The following SUPT3H variants were observed in gnomAD, a reference collection of about 807,000 sequenced individuals.
SUPT3H encodes transcription initiation protein SPT3 homolog.
A neutral mutation model predicts 44.3 loss-of-function variants in SUPT3H; 44 were observed. That is an observed-to-expected ratio of 0.99 (90% CI 0.78 to 1.28). The LOEUF is 1.28. SUPT3H is among the 50% of genes most tolerant of loss of function. The probability of loss-of-function intolerance (pLI) is 0.00; values close to 1 mark genes in which losing one functional copy is unlikely to be tolerated. For missense variants in SUPT3H, 380 were observed against 387.1 expected (o/e 0.98, Z 0.15); for synonymous variants, 124 against 125.6 (o/e 0.99, Z 0.09).
intron 2 of SUPT3H, among the ~76,000 whole-genome samples, chr6:45,179,154 G>A (rs528946085): frequency 3.2e-4 from 49 of 152,080 alleles, no homozygotes; most frequent in Middle Eastern, 3.4e-3. Flanking sequence ...TCCTCGACAC[G>A]TACACTCTCC....
intron 2 of SUPT3H, among the ~76,000 whole-genome samples, chr6:45,275,792 A>C (rs1357953585): frequency 2.6e-5 from 4 of 152,152 alleles, no homozygotes; most frequent in Admixed American, 2.6e-4. Flanking sequence ...AGAATGACAT[A>C]AATTATTTAA....
intron 3 of SUPT3H, among the ~76,000 whole-genome samples, chr6:45,058,677 A>C (rs186261567): frequency 0.018 from 2,746 of 152,244 alleles, 96 homozygotes; most frequent in African/African-American, 0.063. Context: ...ACTGCACTAC[A>C]GTATAACTTC....
chr6:45,207,923 A>C (rs1300706582), intron 2 of SUPT3H, among the ~76,000 whole-genome samples: 1 of 152,188 alleles, frequency 6.6e-6, no homozygotes, highest in Non-Finnish European at 1.5e-5. Context: ...TTCCAGTGAA[A>C]GTTAAAGTTT....
intron 2 of SUPT3H, among the ~76,000 whole-genome samples, chr6:45,139,882 CA>C: frequency 6.6e-6 from 1 of 152,066 alleles, no homozygotes; most frequent in East Asian, 1.9e-4. Flanking sequence ...TGACTGGGCA[CA>C]AATTTACCTC....
intron 2 of SUPT3H, among the ~76,000 whole-genome samples, chr6:45,287,297 T>C (rs1779481210): frequency 6.6e-6 from 1 of 152,074 alleles, no homozygotes; most frequent in Admixed American, 6.6e-5. Flanking sequence ...AGTGAATGGC[T>C]GATATCGGTA....
In SUPT3H at chr6:45,039,974, C is replaced by A. The variant is rs187260647; in HGVS notation, c.187-19342G>T. Among the ~76,000 whole-genome samples the A allele has an allele frequency of 2.6e-4, 39 of 152,216 alleles. No homozygotes were observed. In the East Asian group the frequency reaches 7.1e-3, roughly 28 times the overall value. ...AAAGGCTTTCAGCTTTTTAAACTGG[C>A]AACAGGATTTTGCAGTTGGTCAGAC... On this transcript the variant is annotated intron_variant, in intron 3 of 10. Coordinates refer to ENST00000371459, the MANE Select transcript of SUPT3H (RefSeq NM_003599.4).
At chr6:45,371,791 T>C in intron 1 of SUPT3H, 3 of 975,138 alleles carry the variant, frequency 3.1e-6, no homozygotes, top group Non-Finnish European at 3.7e-6. Context: ...CAGACAAACA[T>C]ATATGCAAAT....
chr6:45,255,671 C>T (rs1313686149), intron 2 of SUPT3H, among the ~76,000 whole-genome samples: 6 of 152,186 alleles, frequency 3.9e-5, no homozygotes, highest in Middle Eastern at 3.4e-3. Flanking sequence ...GATCCTCCCG[C>T]ATCACCCTCC....
At chr6:45,130,695 A>C (rs1441506236) in intron 2 of SUPT3H, among the ~76,000 whole-genome samples, 1 of 143,930 alleles carries the variant, frequency 6.9e-6, no homozygotes, top group Non-Finnish European at 1.5e-5. Flanking sequence ...AAAAAAAAAA[A>C]ACAAAAAAAA....
intron 4 of SUPT3H, among the ~76,000 whole-genome samples, chr6:45,018,928 G>T (rs1376940348): frequency 6.6e-6 from 1 of 152,116 alleles, no homozygotes; most frequent in Non-Finnish European, 1.5e-5. Context: ...AATCGTACCA[G>T]TTCCTCCTTG....
intron 2 of SUPT3H, among the ~76,000 whole-genome samples, chr6:45,290,608 T>TA (rs1436676505): frequency 1.3e-5 from 2 of 152,144 alleles, no homozygotes; most frequent in Non-Finnish European, 2.9e-5. Flanking sequence ...ATCTCTCTTT[T>TA]AAAAATATTT....
At chr6:45,291,120 A>G (rs935655447) in intron 2 of SUPT3H, among the ~76,000 whole-genome samples, 4 of 152,208 alleles carry the variant, frequency 2.6e-5, no homozygotes, top group African/African-American at 9.7e-5. Flanking sequence ...GGTTCACATC[A>G]CAGGACTCTG....
intron 2 of SUPT3H, among the ~76,000 whole-genome samples, chr6:45,206,216 T>C (rs986016293): frequency 2.9e-4 from 44 of 152,154 alleles, no homozygotes; most frequent in Non-Finnish European, 5.9e-5. Flanking sequence ...TAAATGAATA[T>C]GTAAATTAGA....
At chr6:45,238,640 T>G (rs1395288527) in intron 2 of SUPT3H, among the ~76,000 whole-genome samples, 1 of 152,222 alleles carries the variant, frequency 6.6e-6, no homozygotes, top group Admixed American at 6.5e-5. Context: ...TATTTTGTTA[T>G]TGTCCAAGAA....
chr6:45,127,597 A>C (rs1222113565), intron 2 of SUPT3H, among the ~76,000 whole-genome samples: 2 of 152,186 alleles, frequency 1.3e-5, no homozygotes, highest in East Asian at 3.9e-4. Context: ...ACACACACTC[A>C]TAATTTATGT....
intron 9 of SUPT3H, among the ~76,000 whole-genome samples, chr6:44,933,749 T>C (rs1770964512): frequency 6.6e-6 from 1 of 152,182 alleles, no homozygotes; most frequent in South Asian, 2.1e-4. Flanking sequence ...GCTCAAGCGA[T>C]CCTCTGGCCT....
intron 3 of SUPT3H, among the ~76,000 whole-genome samples, chr6:45,040,140 T>G (rs1325887203): frequency 6.6e-6 from 1 of 152,186 alleles, no homozygotes; most frequent in African/African-American, 2.4e-5. Flanking sequence ...CTGTTTCATC[T>G]ATTCAACCCC....
chr6:45,286,042 T>C (rs1584709842), intron 2 of SUPT3H, among the ~76,000 whole-genome samples: 2 of 143,580 alleles, frequency 1.4e-5, no homozygotes, highest in African/African-American at 2.7e-5. Context: ...TGGCTAGCCA[T>C]ATGTAGAAAG....
chr6:45,309,097 G>C (rs1313094816), intron 2 of SUPT3H, among the ~76,000 whole-genome samples: 1 of 150,266 alleles, frequency 6.7e-6, no homozygotes, highest in Non-Finnish European at 1.5e-5. Flanking sequence ...AAAATAAATG[G>C]AGAAAGGATT....
Sources: allele counts gnomAD v4.1 joint callset (sites outside exome capture counted in the v4.1 genomes callset), GRCh38; gene constraint gnomAD v4.1.1; transcripts MANE v1.5; gene names NCBI Gene and HGNC (gene_info 2026-07-23, HGNC 2026-07-21).